Variants in NUP210L observed in about 807,000 individuals in gnomAD.
The protein encoded by NUP210L is nuclear pore membrane glycoprotein 210-like.
A neutral mutation model predicts 208.5 loss-of-function variants in NUP210L; 74 were observed. The observed-to-expected ratio is 0.35, with a 90% CI of 0.29 to 0.43. The LOEUF is 0.43. Ranked by LOEUF, NUP210L falls within the 20% of genes least tolerant of loss-of-function variation. NUP210L has a pLI of 1.00. For missense variants in NUP210L, 1,843 were observed against 2,289.4 expected, an observed-to-expected ratio of 0.81 and a Z score of 3.98; for synonymous variants, 780 against 816.9, an observed-to-expected ratio of 0.95 and a Z score of 0.77.
intron 25 of NUP210L, 114 bp from the exon 26 acceptor site, chr1:154,046,483 G>T: frequency 1.2e-6 from 1 of 866,166 alleles, no homozygotes; most frequent in Non-Finnish European, 1.9e-6. Context: ...AAAAAACCTT[G>T]CCCATGCTTA....
intron 15 of NUP210L, among the ~76,000 whole-genome samples, chr1:154,090,207 T>C (rs1316180813): frequency 1.3e-5 from 2 of 150,272 alleles, no homozygotes; most frequent in African/African-American, 4.9e-5. Context: ...AGTGAGACCC[T>C]GTCTCAGGAA....
At chr1:154,008,029 G>A (rs529409648) in intron 35 of NUP210L, among the ~76,000 whole-genome samples, 132 of 151,700 alleles carry the variant, frequency 8.7e-4, no homozygotes, top group Non-Finnish European at 1.5e-3. Context: ...CTGCCACCAT[G>A]CCTGGCTAAT....
intron 35 of NUP210L, among the ~76,000 whole-genome samples, chr1:154,007,271 AT>A (rs35804256): frequency 0.56 from 84,614 of 150,040 alleles, 24,638 homozygotes; most frequent in East Asian, 0.95. Flanking sequence ...TTATATATAT[AT>A]TTTTTTTGAG....
At chr1:154,070,237 C>T (rs1325017054) in intron 17 of NUP210L, 36 bp downstream of exon 17, 1 of 1,462,718 alleles carries the variant, frequency 6.8e-7, no homozygotes, top group Non-Finnish European at 9.2e-7. Context: ...AAAAAACACT[C>T]AGGTATATGA....
intron 27 of NUP210L, among the ~76,000 whole-genome samples, chr1:154,033,777 C>T (rs1001745112): frequency 1.3e-5 from 2 of 152,064 alleles, no homozygotes; most frequent in African/African-American, 4.8e-5. Flanking sequence ...TTTTCTATTT[C>T]TGTGAAGAAT....
intron 37 of NUP210L, chr1:153,995,588 A>C: frequency 2.5e-6 from 2 of 788,566 alleles, no homozygotes; most frequent in South Asian, 1.3e-5. Context: ...AATGCTGGTT[A>C]CCACTTCTTC....
At chr1:154,135,659 G>C (rs939583766) in intron 7 of NUP210L, among the ~76,000 whole-genome samples, 155 bp downstream of exon 7, 7 of 152,094 alleles carry the variant, frequency 4.6e-5, no homozygotes, top group Non-Finnish European at 8.8e-5. Context: ...CTGACCTTGT[G>C]ATCAGCCCGC....
intron 17 of NUP210L, among the ~76,000 whole-genome samples, chr1:154,067,804 GACAA>G (rs1380957841): frequency 1.2e-4 from 19 of 152,168 alleles, no homozygotes; most frequent in Admixed American, 1.0e-3. Context: ...ACCAATAACA[GACAA>G]ACAGAGAGCC....
At chr1:154,046,126 T>A in exon 27 of NUP210L, 1 of 1,614,184 alleles carries the variant, frequency 6.2e-7, no homozygotes. Context: ...ACCAGTGGAA[T>A]GTGAGCCCAG....
At chr1:154,111,991 G>A (rs943797097) in intron 12 of NUP210L, among the ~76,000 whole-genome samples, 9 of 151,356 alleles carry the variant, frequency 5.9e-5, no homozygotes, top group South Asian at 2.1e-4. Flanking sequence ...GCAATGGCGC[G>A]ATCTCAGCTC....
exon 40 of NUP210L, chr1:153,992,799 TC>T: frequency 7.2e-7 from 1 of 1,387,522 alleles, no homozygotes; most frequent in Non-Finnish European, 1.0e-6. Flanking sequence ...AAATCTTCAT[TC>T]CCCTGCAGTT....
chr1:154,111,342 C>G (rs1007870037), intron 12 of NUP210L, among the ~76,000 whole-genome samples: 5 of 151,360 alleles, frequency 3.3e-5, no homozygotes, highest in Non-Finnish European at 5.9e-5. Flanking sequence ...CAGATCGCAC[C>G]ACTGCACTCC....
chr1:154,091,427 T>G (rs1315717799), intron 15 of NUP210L, among the ~76,000 whole-genome samples: 1 of 151,740 alleles, frequency 6.6e-6, no homozygotes, highest in Admixed American at 6.6e-5. Flanking sequence ...CACTAAAACC[T>G]TACTCTAAGC....
chr1:153,998,539 G>C (rs1424425676), intron 37 of NUP210L, among the ~76,000 whole-genome samples: 1 of 146,750 alleles, frequency 6.8e-6, no homozygotes, highest in Non-Finnish European at 1.5e-5. Context: ...GGGCGACAGA[G>C]CGAGGTTCTG....
intron 2 of NUP210L, among the ~76,000 whole-genome samples, chr1:154,146,575 T>A (rs1373700573): frequency 6.7e-6 from 1 of 148,866 alleles, no homozygotes; most frequent in Non-Finnish European, 1.5e-5. Context: ...AAGGCTGCAG[T>A]GAGCTGAGTC....
Position 154,141,643 on chromosome 1 carries a change from A to T in NUP210L, c.473-119T>A, listed in dbSNP as rs1658857527. ...ACTTTGAAGCCTCTTTCATTAAGAA[A>T]TAGAAAGCACTATCATTAATGAATT... On this transcript the variant is annotated intron_variant, in intron 3 of 39. Transcript: ENST00000368559. The T allele has an allele frequency of 4.6e-6, 3 of 647,134 alleles. No individual in the cohort carries two copies. The East Asian group carries it at 8.0e-5, about 17-fold the overall frequency. 40.1% of individuals were successfully genotyped at this position (647,134 alleles called of 1,614,324 possible). A position where few individuals can be genotyped will look rare whatever the true frequency, so the allele number is the denominator to read the frequency against.
chr1:154,024,442 T>A (rs1651740360), intron 30 of NUP210L, among the ~76,000 whole-genome samples: 4 of 152,188 alleles, frequency 2.6e-5, no homozygotes. Context: ...ATATAGTAGA[T>A]GTTTAATGTC....
chr1:154,080,789 T>G (rs1350954151), intron 16 of NUP210L, among the ~76,000 whole-genome samples: 2 of 151,844 alleles, frequency 1.3e-5, no homozygotes, highest in Admixed American at 1.3e-4. Context: ...CTGACCAATA[T>G]GATGAAACCT....
intron 29 of NUP210L, among the ~76,000 whole-genome samples, chr1:154,027,262 C>T (rs1450015761): frequency 1.3e-5 from 2 of 151,994 alleles, no homozygotes; most frequent in African/African-American, 4.8e-5. Flanking sequence ...TATGGGATCT[C>T]CTTTGGTGGT....
Sources: allele counts gnomAD v4.1 joint callset (sites outside exome capture counted in the v4.1 genomes callset), GRCh38; gene constraint gnomAD v4.1.1; transcripts MANE v1.5; gene names NCBI Gene and HGNC (gene_info 2026-07-23, HGNC 2026-07-21).